Variants in ERC1 observed in about 807,000 individuals in gnomAD.
ERC1 encodes the protein RAB6 interacting protein 2.
ERC1 carries 56 observed loss-of-function variants against 132.0 expected under a neutral mutation model. The ratio of observed to expected loss-of-function variants is 0.42; its 90% CI spans 0.34 to 0.53. The LOEUF is 0.53. Ranked by LOEUF, ERC1 falls within the 20% of genes least tolerant of loss-of-function variation. ERC1 has a pLI of 0.03. For missense variants in ERC1, 1,202 were observed against 1,349.9 expected (o/e 0.89, Z 1.72); for synonymous variants, 478 against 476.1 (o/e 1.00, Z -0.05).
intron 18 of ERC1, among the ~76,000 whole-genome samples, chr12:1,455,124 T>C (rs2093503234): frequency 6.6e-6 from 1 of 152,260 alleles, no homozygotes; most frequent in African/African-American, 2.4e-5. Context: ...TACTTATTTT[T>C]GGAGTGTGGA....
At chr12:1,355,306 C>T (rs1208809377) in intron 15 of ERC1, among the ~76,000 whole-genome samples, 7 of 152,050 alleles carry the variant, frequency 4.6e-5, no homozygotes, top group Admixed American at 4.6e-4. Context: ...TTTGGGGTTA[C>T]AAAAGTATTA....
At chr12:1,369,172 A>T (rs1205691554) in intron 15 of ERC1, among the ~76,000 whole-genome samples, 1 of 152,210 alleles carries the variant, frequency 6.6e-6, no homozygotes, top group Non-Finnish European at 1.5e-5. Context: ...CCAATGCCAC[A>T]TTCCTCAAAA....
intron 11 of ERC1, 43 bp downstream of exon 11, chr12:1,183,464 A>C: frequency 1.4e-6 from 2 of 1,380,074 alleles, no homozygotes; most frequent in South Asian, 2.8e-5. Flanking sequence ...GCCTTAAATA[A>C]GAACATAGTA....
intron 15 of ERC1, among the ~76,000 whole-genome samples, chr12:1,370,240 T>G (rs1388505044): frequency 6.6e-6 from 1 of 152,248 alleles, no homozygotes; most frequent in Non-Finnish European, 1.5e-5. Flanking sequence ...GTAAATTTCT[T>G]ACATCAGCTT....
chr12:1,242,231 T>C (rs548639469), intron 13 of ERC1, among the ~76,000 whole-genome samples: 1 of 152,316 alleles, frequency 6.6e-6, no homozygotes, highest in South Asian at 2.1e-4. Context: ...TAGGTAAATT[T>C]ATCAGTTTTT....
At position 1,056,230 on chromosome 12, in the gene ERC1, T is replaced by C. The variant is rs142967594; in HGVS notation, c.670-26934T>C. 1.6e-3 allele frequency among the ~76,000 whole-genome samples: 245 copies of C among 152,190 alleles called. 1 individual carries two copies. The highest frequency in any genetic ancestry group is 5.4e-3 in the African/African-American group (223 of 41,522). On this transcript the variant is annotated intron_variant, in intron 2 of 18. Coordinates refer to ENST00000360905, the MANE Select transcript of ERC1 (RefSeq NM_178040.4). ...TCCCCCGTAATGAACACGTTTCTAG[T>C]GTAATAAAGTAGAAGATAATGAAGA...
chr12:1,151,108 G>T (rs562636744), intron 8 of ERC1, among the ~76,000 whole-genome samples: 2 of 152,228 alleles, frequency 1.3e-5, no homozygotes, highest in South Asian at 4.1e-4. Flanking sequence ...TAAACAAAAA[G>T]TGCATTTAAA....
At chr12:1,275,125 T>C (rs1260208771) in intron 14 of ERC1, among the ~76,000 whole-genome samples, 1 of 152,204 alleles carries the variant, frequency 6.6e-6, no homozygotes, top group Non-Finnish European at 1.5e-5. Context: ...AGGTTTTATC[T>C]CAACCACAGT....
chr12:1,110,474 T>A (rs951053347), intron 5 of ERC1, 127 bp downstream of exon 5: 1 of 711,310 alleles, frequency 1.4e-6, no homozygotes, highest in African/African-American at 1.8e-5. Flanking sequence ...AGAATACTTT[T>A]AGCATAGTTC....
rs978929647 is a variant in ERC1 at position 1,022,986 on chromosome 12, A to G, written c.-156-4762A>G. ...CACTTCTTCCTGCCGCCATGTGAAG[A>G]AGGATGTGTTTGCTTCCCCTTCTGC... is the stretch of plus-strand genomic sequence containing the variant. On this transcript the variant is annotated intron_variant, in intron 1 of 18. Transcript: ENST00000360905. Among the ~76,000 whole-genome samples, 5 of 152,226 alleles carry G rather than the reference A, an allele frequency of 3.3e-5. No homozygotes were observed. The East Asian group carries it at 5.8e-4, about 18-fold the overall frequency.
intron 15 of ERC1, among the ~76,000 whole-genome samples, chr12:1,342,510 G>A (rs1397373563): frequency 5.3e-5 from 8 of 151,558 alleles, no homozygotes; most frequent in Non-Finnish European, 1.0e-4. Context: ...AAAAAATGCA[G>A]GGATAGAGAA....
At chr12:1,176,363 A>G (rs1593974055) in intron 8 of ERC1, among the ~76,000 whole-genome samples, 1 of 152,328 alleles carries the variant, frequency 6.6e-6, no homozygotes, top group Non-Finnish European at 1.5e-5. Context: ...TAATACACCA[A>G]GTACACCATG....
intron 2 of ERC1, among the ~76,000 whole-genome samples, chr12:1,057,597 T>G (rs887851115): frequency 1.4e-5 from 2 of 144,568 alleles, no homozygotes; most frequent in Admixed American, 7.0e-5. Flanking sequence ...TTTTTTTTTT[T>G]TTTTTTTTTT....
chr12:1,185,217 TTTTTTAAA>T (rs1954942036), intron 11 of ERC1, among the ~76,000 whole-genome samples: 1 of 152,104 alleles, frequency 6.6e-6, no homozygotes, highest in Non-Finnish European at 1.5e-5. Flanking sequence ...CCTTTTGTTT[TTTTTTAAA>T]TAGAGGGGTC....
chr12:1,311,336 A>G, intron 15 of ERC1, among the ~76,000 whole-genome samples: 1 of 145,902 alleles, frequency 6.9e-6, no homozygotes. Context: ...TAAATTTATC[A>G]ATGTTTGTTT....
At chr12:1,093,755 G>A (rs1442158957) in intron 3 of ERC1, among the ~76,000 whole-genome samples, 2 of 151,286 alleles carry the variant, frequency 1.3e-5, no homozygotes, top group Non-Finnish European at 2.9e-5. Context: ...ATATGTTCTA[G>A]GCTAGGGAAT....
At chr12:1,470,008 C>T (rs2093826241) in intron 18 of ERC1, among the ~76,000 whole-genome samples, 1 of 152,000 alleles carries the variant, frequency 6.6e-6, no homozygotes, top group South Asian at 2.1e-4. Flanking sequence ...GGAACCCCTT[C>T]CATGGCCCTT....
intron 2 of ERC1, among the ~76,000 whole-genome samples, chr12:1,075,552 G>A (rs113201427): frequency 0.025 from 3,775 of 152,128 alleles, 148 homozygotes; most frequent in African/African-American, 0.086. Flanking sequence ...TTAGCCAGGC[G>A]TGGTGGTGCT....
In ERC1 at chr12:1,007,020, A is replaced by G. The variant is rs149888670; in HGVS notation, c.-157+15698A>G. The stretch of plus-strand genomic sequence containing the variant: ...ATATAGTATAGTGTGTATATATATG[A>G]CTCTGTATTGTGTTCCATCTTGGCA... On this transcript the variant is annotated intron_variant, in intron 1 of 18. Coordinates refer to ENST00000360905, the MANE Select transcript of ERC1 (RefSeq NM_178040.4). Among the ~76,000 whole-genome samples the G allele has an allele frequency of 7.9e-5, 12 of 151,512 alleles. No homozygotes were observed. In the East Asian group the frequency reaches 2.3e-3, roughly 29 times the overall value.
Sources: gnomAD v4.1 joint callset for allele counts (sites outside exome capture counted in the v4.1 genomes callset) on GRCh38, gnomAD v4.1.1 for gene constraint, MANE v1.5 for transcripts, NCBI Gene and HGNC (gene_info 2026-07-23, HGNC 2026-07-21) for gene names.